TEK: variants seen among roughly 807,000 people sequenced by gnomAD.
The protein encoded by TEK is angiopoietin-1 receptor.
In TEK, 43 loss-of-function variants were observed where a neutral mutation model predicts 131.8. The ratio of observed to expected loss-of-function variants is 0.33; its 90% CI spans 0.26 to 0.42. The LOEUF is 0.42. Ranked by LOEUF, TEK falls within the 10% of genes least tolerant of loss-of-function variation. TEK has a pLI of 1.00. For synonymous variants in TEK, 580 were observed against 491.6 expected, an observed-to-expected ratio of 1.18 and a Z score of -2.38; for missense variants, 1,162 against 1,384.4, an observed-to-expected ratio of 0.84 and a Z score of 2.55.
intron 4 of TEK, among the ~76,000 whole-genome samples, chr9:27,171,642 C>G (rs1055459455): frequency 6.6e-6 from 1 of 152,068 alleles, no homozygotes; most frequent in African/African-American, 2.4e-5. Context: ...TTCCACGTAC[C>G]CAAGACCTAT....
At chr9:27,221,691 A>AGT (rs1262117299) in intron 21 of TEK, among the ~76,000 whole-genome samples, 2 of 152,226 alleles carry the variant, frequency 1.3e-5, no homozygotes, top group Non-Finnish European at 2.9e-5. Context: ...TAGAAGGAAA[A>AGT]GTAACAAACA....
rs1823463557 is a variant in TEK at position 27,159,419 on chromosome 9, T to TG, written c.364+1278dup. ...ATCAGAGTGAGAGGGCACTACAAAC[T>TG]GAAATGACAAAGAGTCAGGGATACA... On this transcript the variant is annotated intron_variant, in intron 2 of 22. Coordinates refer to ENST00000380036, the MANE Select transcript of TEK (RefSeq NM_000459.5). Among the ~76,000 whole-genome samples the TG allele has an allele frequency of 2.0e-5, 3 of 152,234 alleles. 1 individual carries two copies. In the South Asian group the frequency reaches 6.2e-4, roughly 32 times the overall value.
rs80058831 is a variant in TEK at position 27,203,600 on chromosome 9, T to G, written c.2209+481T>G. Among the ~76,000 whole-genome samples, 945 of 152,296 alleles carry G rather than the reference T, an allele frequency of 6.2e-3. 7 individuals carry two copies. Among genetic ancestry groups the G allele is most frequent in the African/African-American group, 0.021 (885 of 41,564 alleles). ...CCCAACCCCAGGAAAAGTATGTGAT[T>G]TGAGCTAGATAGAGATCCTCTCTGG... On this transcript the variant is annotated intron_variant, in intron 13 of 22. Coordinates refer to ENST00000380036, the MANE Select transcript of TEK (RefSeq NM_000459.5).
chr9:27,141,410 C>T (rs1384618278), intron 1 of TEK, among the ~76,000 whole-genome samples: 1 of 152,130 alleles, frequency 6.6e-6, no homozygotes, highest in Admixed American at 6.5e-5. Flanking sequence ...TTTGAACACT[C>T]ATGTGTCAAT....
At chr9:27,185,399 T>TAA (rs1824557913) in intron 8 of TEK, 86 bp from the exon 9 acceptor site, 8 of 1,533,624 alleles carry the variant, frequency 5.2e-6, no homozygotes, top group Non-Finnish European at 7.2e-6. Context: ...AACTTCTTAT[T>TAA]AAACAATGAG....
intron 6 of TEK, among the ~76,000 whole-genome samples, chr9:27,179,095 T>G (rs759006502): frequency 2.2e-4 from 33 of 152,316 alleles, no homozygotes; most frequent in Admixed American, 2.2e-3. Context: ...GTGTGTTAGA[T>G]GTTTTGTCTC....
At chr9:27,169,684 T>C in intron 4 of TEK, 55 bp downstream of exon 4, 1 of 1,610,804 alleles carries the variant, frequency 6.2e-7, no homozygotes, top group Non-Finnish European at 8.5e-7. Context: ...GTTGTTAGGA[T>C]TTTTAGTTGC....
intron 1 of TEK, among the ~76,000 whole-genome samples, chr9:27,136,681 A>G (rs1822458190): frequency 6.6e-6 from 1 of 152,230 alleles, no homozygotes; most frequent in Non-Finnish European, 1.5e-5. Context: ...CAGTTTCTAC[A>G]GAGGCAATGC....
intron 2 of TEK, among the ~76,000 whole-genome samples, chr9:27,162,488 G>A (rs1294686610): frequency 6.6e-6 from 1 of 152,142 alleles, no homozygotes; most frequent in African/African-American, 2.4e-5. Context: ...CAGATCCAAA[G>A]ACCTGTTTCA....
At chr9:27,205,134 A>T (rs1413216864) in intron 14 of TEK, 69 bp downstream of exon 14, 2 of 1,587,772 alleles carry the variant, frequency 1.3e-6, no homozygotes, top group African/African-American at 2.7e-5. Context: ...CACTTTAAAG[A>T]TATGGACCAG....
chr9:27,224,120 T>C (rs1196200171), intron 21 of TEK, among the ~76,000 whole-genome samples: 1 of 152,138 alleles, frequency 6.6e-6, no homozygotes, highest in Non-Finnish European at 1.5e-5. Flanking sequence ...GCAGAATTAA[T>C]AGCTTACCTA....
chr9:27,228,034 AT>A (rs529634360), intron 21 of TEK, among the ~76,000 whole-genome samples, 171 bp from the exon 22 acceptor site: 10 of 152,160 alleles, frequency 6.6e-5, no homozygotes, highest in Non-Finnish European at 1.5e-4. Context: ...AGGAGTTGAA[AT>A]GAGACTGGCT....
chr9:27,156,452 G>A (rs1823334002), intron 1 of TEK, among the ~76,000 whole-genome samples: 3 of 151,900 alleles, frequency 2.0e-5, no homozygotes, highest in African/African-American at 7.2e-5. Context: ...AGGTAGAGAA[G>A]CCTTCTATGA....
chr9:27,109,952 T>C (rs1211971465), intron 1 of TEK, among the ~76,000 whole-genome samples: 1 of 141,340 alleles, frequency 7.1e-6, no homozygotes, highest in Non-Finnish European at 1.5e-5. Context: ...CTGCTCCTCA[T>C]TCTGGAGTGT....
chr9:27,211,455 G>GAGAT (rs61130686), intron 16 of TEK, among the ~76,000 whole-genome samples: 2 of 74,118 alleles, frequency 2.7e-5, no homozygotes, highest in Non-Finnish European at 2.3e-5. Flanking sequence ...TTTTTTTTTT[G>GAGAT]AGATAGATAG....
Position 27,168,586 on chromosome 9 carries a change from T to C in TEK, c.456T>C (p.Asp152=). The change falls in exon 3 of 23, where the codon GAT becomes GAC. Residue 152 remains aspartate, a synonymous_variant. Coordinates refer to ENST00000380036, the MANE Select transcript of TEK (RefSeq NM_000459.5). ...AAAAGGTATTGATTAAAGAAGAAGA[T>C]GCAGTGATTTACAAAAATGGTGAGT... ...SFKKVLIKEE[D]AVIYKNGSFI... is the part of the protein sequence containing the mutation. The C allele has an allele frequency of 1.9e-6, 3 of 1,612,506 alleles. No individual in the cohort carries two copies. Among genetic ancestry groups the C allele is most frequent in the East Asian group, 2.2e-5 (1 of 44,816 alleles).
intron 1 of TEK, among the ~76,000 whole-genome samples, chr9:27,153,670 A>T (rs953649067): frequency 3.3e-5 from 5 of 152,080 alleles, no homozygotes; most frequent in Non-Finnish European, 7.4e-5. Flanking sequence ...TTTGGAGAGG[A>T]TAGCGCTATA....
chr9:27,122,134 C>G (rs930664954), intron 1 of TEK, among the ~76,000 whole-genome samples: 1 of 152,182 alleles, frequency 6.6e-6, no homozygotes, highest in Non-Finnish European at 1.5e-5. Context: ...CTCATCCATT[C>G]CAGCTAGCAT....
intron 2 of TEK, among the ~76,000 whole-genome samples, chr9:27,162,944 G>A (rs976394438): frequency 6.6e-6 from 1 of 152,080 alleles, no homozygotes; most frequent in Non-Finnish European, 1.5e-5. Flanking sequence ...TCCATCTCCC[G>A]ACCTTGTGAT....
Sources: gnomAD v4.1 joint callset for allele counts (sites outside exome capture counted in the v4.1 genomes callset) on GRCh38, gnomAD v4.1.1 for gene constraint, MANE v1.5 for transcripts, NCBI Gene and HGNC (gene_info 2026-07-23, HGNC 2026-07-21) for gene names.